The following MARCHF3 variants were observed in gnomAD, a reference collection of about 807,000 sequenced individuals.
MARCHF3 encodes membrane associated ring-CH-type finger 3, also known as E3 ubiquitin-protein ligase MARCHF3.
MARCHF3 carries 13 observed loss-of-function variants against 24.2 expected under a neutral mutation model. The observed-to-expected ratio is 0.54, with a 90% CI of 0.35 to 0.85. MARCHF3 has a LOEUF of 0.85. Among genes scored for constraint, MARCHF3 ranks in the 40% least tolerant of loss-of-function variants. MARCHF3 has a pLI of 0.01. For missense variants in MARCHF3, 276 were observed against 325.0 expected, an observed-to-expected ratio of 0.85 and a Z score of 1.16; for synonymous variants, 144 against 137.3, an observed-to-expected ratio of 1.05 and a Z score of -0.34.
chr5:126,959,706 A>G (rs920358069), intron 1 of MARCHF3, among the ~76,000 whole-genome samples: 62 of 152,266 alleles, frequency 4.1e-4, no homozygotes, highest in African/African-American at 1.4e-3. Flanking sequence ...TCCTGTCACT[A>G]CAAAACTGTT....
At chr5:126,968,288 G>A (rs1271971108) in intron 1 of MARCHF3, among the ~76,000 whole-genome samples, 3 of 152,130 alleles carry the variant, frequency 2.0e-5, no homozygotes, top group Non-Finnish European at 4.4e-5. Flanking sequence ...GGTGACTATT[G>A]TTTAGCTTTT....
intron 3 of MARCHF3, among the ~76,000 whole-genome samples, chr5:126,900,193 C>T (rs1279308415): frequency 3.9e-5 from 6 of 151,960 alleles, no homozygotes; most frequent in East Asian, 1.9e-4. Context: ...AAAGGCTTAT[C>T]GGCAAAGAAA....
chr5:126,870,640 A>G lies in MARCHF3; in HGVS notation c.755T>C (p.Val252Ala), dbSNP rs1454005507. The change falls in exon 5 of 5, where the codon GTT becomes GCT. Residue 252 changes from valine to alanine, a missense_variant. Coordinates refer to ENST00000308660, the MANE Select transcript of MARCHF3 (RefSeq NM_178450.5). ...CAACCAACCATACAAACATCAAACA[A>G]CTGTCTCCTTTGAGTTCCTCTTGAC... ...HSVKRNSKET[V>A]V is the part of the protein sequence containing the mutation. 1.2e-6 allele frequency: 2 copies of G among 1,613,976 alleles called. No homozygotes were observed. Among genetic ancestry groups the G allele is most frequent in the South Asian group, 2.2e-5 (2 of 91,076 alleles).
chr5:126,891,897 G>A lies in MARCHF3; in HGVS notation c.394-13503C>T, dbSNP rs536055629. 4.7e-3 allele frequency among the ~76,000 whole-genome samples: 583 copies of A among 125,084 alleles called. 2 individuals are homozygous for A. Among genetic ancestry groups the A allele is most frequent in the African/African-American group, 9.6e-3 (340 of 35,464 alleles). 82.1% of individuals were successfully genotyped at this position (125,084 alleles called of 152,430 possible). On this transcript the variant is annotated intron_variant, in intron 3 of 4. Transcript: ENST00000308660. ...CCTTGGGCAGTATGGCCATTTTCAC[G>A]ATATTGATTCTTCCTACCCATGAGC...
intron 1 of MARCHF3, among the ~76,000 whole-genome samples, chr5:126,976,719 C>G (rs1023275888): frequency 1.1e-4 from 17 of 152,246 alleles, no homozygotes; most frequent in Non-Finnish European, 5.9e-5. Context: ...GGAGCCCACT[C>G]TGGCATCTGC....
Position 126,891,077 on chromosome 5 carries a change from A to G in MARCHF3, c.394-12683T>C, listed in dbSNP as rs1345383915. 1.5e-4 allele frequency among the ~76,000 whole-genome samples: 23 copies of G among 150,886 alleles called. No individual in the cohort carries two copies. In the East Asian group the frequency reaches 1.9e-3, roughly 13 times the overall value. ...TTTTTCATGTGTTTTTTGACTGCATAAATGTCTTCTTTTGAGAAGTGTCTG... is the reference window on the plus strand; with the variant it reads ...TTTTTCATGTGTTTTTTGACTGCATGAATGTCTTCTTTTGAGAAGTGTCTG... On this transcript the variant is annotated intron_variant, in intron 3 of 4. Transcript: ENST00000308660.
At chr5:126,884,494 G>A (rs1477658119) in intron 3 of MARCHF3, among the ~76,000 whole-genome samples, 1 of 152,168 alleles carries the variant, frequency 6.6e-6, no homozygotes, top group Non-Finnish European at 1.5e-5. Context: ...CAACATCTCT[G>A]CTTAGATGAC....
chr5:127,000,752 G>A (rs2126850173), intron 1 of MARCHF3, among the ~76,000 whole-genome samples: 1 of 152,124 alleles, frequency 6.6e-6, no homozygotes, highest in South Asian at 2.1e-4. Context: ...AGGCTGGAGT[G>A]CAGTGGCGCT....
At chr5:126,950,975 C>T (rs1310034190) in intron 1 of MARCHF3, among the ~76,000 whole-genome samples, 2 of 152,150 alleles carry the variant, frequency 1.3e-5, no homozygotes, top group Non-Finnish European at 2.9e-5. Flanking sequence ...AGACAATGAA[C>T]TTATCCATCT....
intron 1 of MARCHF3, among the ~76,000 whole-genome samples, chr5:127,004,099 T>C (rs1328748700): frequency 2.0e-5 from 3 of 152,196 alleles, no homozygotes; most frequent in Admixed American, 6.5e-5. Context: ...TCTTTCTTTG[T>C]TCCACAGGAA....
rs1753653513 is a variant in MARCHF3 at position 126,890,516 on chromosome 5, C to A, written c.394-12122G>T. ...TGTGATCTCATTGTTCAATCCCCACCTATGAGTGAGAATATGCAGTGTTTG... is the reference window on the plus strand; with the variant it reads ...TGTGATCTCATTGTTCAATCCCCACATATGAGTGAGAATATGCAGTGTTTG... On this transcript the variant is annotated intron_variant, in intron 3 of 4. Coordinates refer to ENST00000308660, the MANE Select transcript of MARCHF3 (RefSeq NM_178450.5). Among the ~76,000 whole-genome samples, 3 of 149,790 alleles carry A rather than the reference C, an allele frequency of 2.0e-5. No individual in the cohort carries two copies. The Admixed American group carries it at 2.0e-4, about 10-fold the overall frequency.
At chr5:127,002,613 C>T (rs994752652) in intron 1 of MARCHF3, among the ~76,000 whole-genome samples, 1 of 152,180 alleles carries the variant, frequency 6.6e-6, no homozygotes, top group Non-Finnish European at 1.5e-5. Context: ...TGCTTAGTTA[C>T]GTTAGCATTC....
At chr5:126,968,109 G>A (rs879646596) in intron 1 of MARCHF3, among the ~76,000 whole-genome samples, 9 of 152,174 alleles carry the variant, frequency 5.9e-5, no homozygotes, top group Non-Finnish European at 1.2e-4. Context: ...TTAGCTTAAT[G>A]TTTTCAAGGT....
chr5:127,006,878 G>A (rs1423907565), intron 1 of MARCHF3, among the ~76,000 whole-genome samples: 1 of 152,084 alleles, frequency 6.6e-6, no homozygotes, highest in Non-Finnish European at 1.5e-5. Flanking sequence ...TTTAACATCC[G>A]GGTTGCACTA....
intron 1 of MARCHF3, among the ~76,000 whole-genome samples, chr5:127,008,086 T>C (rs1422961059): frequency 6.6e-6 from 1 of 152,168 alleles, no homozygotes; most frequent in Non-Finnish European, 1.5e-5. Flanking sequence ...ATGTATTTAA[T>C]ATTAGTAAAA....
chr5:126,882,583 T>C (rs763117519), intron 3 of MARCHF3, among the ~76,000 whole-genome samples: 19 of 152,232 alleles, frequency 1.2e-4, no homozygotes, highest in Admixed American at 4.6e-4. Context: ...CTATTATACC[T>C]GTTCTGTAGT....
chr5:126,909,781 T>G (rs1754452395), intron 3 of MARCHF3, among the ~76,000 whole-genome samples: 1 of 152,182 alleles, frequency 6.6e-6, no homozygotes, highest in Admixed American at 6.5e-5. Flanking sequence ...TCTGCGTTGC[T>G]CACGCTGGGA....
At chr5:126,946,761 G>GGTGTGTGTGTGTGT (rs58269583) in intron 1 of MARCHF3, among the ~76,000 whole-genome samples, 17,921 of 135,744 alleles carry the variant, frequency 0.13, 1,407 homozygotes, top group East Asian at 0.28. Context: ...TGTAAGTAGG[G>GGTGTGTGTGTGTGT]GTGTGTGTGT....
intron 3 of MARCHF3, among the ~76,000 whole-genome samples, chr5:126,902,510 G>T (rs143974141): frequency 6.6e-6 from 1 of 152,090 alleles, no homozygotes; most frequent in African/African-American, 2.4e-5. Flanking sequence ...AACAGAATCT[G>T]GTTATGGAAT....
Sources: allele counts gnomAD v4.1 joint callset (sites outside exome capture counted in the v4.1 genomes callset), GRCh38; gene constraint gnomAD v4.1.1; transcripts MANE v1.5; gene names NCBI Gene and HGNC (gene_info 2026-07-23, HGNC 2026-07-21).